The following RFX3 variants were observed in gnomAD, a reference collection of about 807,000 sequenced individuals.
RFX3 encodes the protein transcription factor RFX3.
RFX3 carries 14 observed loss-of-function variants against 98.6 expected under a neutral mutation model. That is an observed-to-expected ratio of 0.14 (90% confidence interval 0.09 to 0.22). The LOEUF is 0.22. Ranked by LOEUF, RFX3 falls within the 10% of genes least tolerant of loss-of-function variation. The probability of loss-of-function intolerance (pLI) is 1.00; values close to 1 mark genes in which losing one functional copy is unlikely to be tolerated. For synonymous variants in RFX3, 383 were observed against 328.4 expected, an observed-to-expected ratio of 1.17 and a Z score of -1.80; for missense variants, 639 against 926.9, an observed-to-expected ratio of 0.69 and a Z score of 4.03.
At chr9:3,492,142 A>G (rs1038989558) in intron 1 of RFX3, among the ~76,000 whole-genome samples, 9 of 152,246 alleles carry the variant, frequency 5.9e-5, no homozygotes, top group African/African-American at 1.7e-4. Flanking sequence ...GCTGGAGGAT[A>G]TAACGGTGAG....
intron 15 of RFX3, among the ~76,000 whole-genome samples, chr9:3,239,666 A>G (rs1020600802): frequency 3.9e-5 from 6 of 152,242 alleles, no homozygotes; most frequent in Admixed American, 3.3e-4. Context: ...AAGTAGCCTC[A>G]AAAACAGGAG....
chr9:3,373,963 A>G (rs1838150000), intron 2 of RFX3, among the ~76,000 whole-genome samples: 1 of 152,084 alleles, frequency 6.6e-6, no homozygotes, highest in East Asian at 1.9e-4. Context: ...CTGTAGTCCC[A>G]GCTACTCGGG....
chr9:3,424,808 A>G (rs551237411), intron 1 of RFX3, among the ~76,000 whole-genome samples: 1 of 152,348 alleles, frequency 6.6e-6, no homozygotes, highest in African/African-American at 2.4e-5. Flanking sequence ...CATATATAAT[A>G]CATATAGATC....
chr9:3,372,060 C>G (rs574670483), intron 2 of RFX3, among the ~76,000 whole-genome samples: 11 of 152,266 alleles, frequency 7.2e-5, no homozygotes, highest in Non-Finnish European at 1.6e-4. Flanking sequence ...TACATTCACC[C>G]TTACCTCTTC....
chr9:3,471,070 A>G (rs1848733266), intron 1 of RFX3, among the ~76,000 whole-genome samples: 1 of 152,230 alleles, frequency 6.6e-6, no homozygotes, highest in Non-Finnish European at 1.5e-5. Flanking sequence ...TATTTTATAC[A>G]GATGAGAGTA....
intron 1 of RFX3, among the ~76,000 whole-genome samples, chr9:3,463,800 A>G (rs375175349): frequency 3.0e-4 from 45 of 152,074 alleles, no homozygotes; most frequent in African/African-American, 9.9e-4. Flanking sequence ...GGGAGACCCC[A>G]GTATCTACAA....
At chr9:3,408,278 T>G (rs1209281243) in intron 1 of RFX3, among the ~76,000 whole-genome samples, 1 of 152,152 alleles carries the variant, frequency 6.6e-6, no homozygotes, top group Admixed American at 6.5e-5. Flanking sequence ...AGGAAGGCTG[T>G]ATAGGCCAAA....
chr9:3,505,271 TATGA>T (rs1261506489), intron 1 of RFX3, among the ~76,000 whole-genome samples: 1 of 75,274 alleles, frequency 1.3e-5, no homozygotes, highest in African/African-American at 8.6e-5. Context: ...TTTATATATA[TATGA>T]ATATATACAT....
chr9:3,313,487 G>A (rs779993011), intron 4 of RFX3, among the ~76,000 whole-genome samples: 7 of 152,312 alleles, frequency 4.6e-5, no homozygotes, highest in East Asian at 1.9e-4. Flanking sequence ...GCAGCTCCCC[G>A]CCAGCAACGG....
intron 1 of RFX3, among the ~76,000 whole-genome samples, chr9:3,436,355 T>C (rs921055470): frequency 1.3e-5 from 2 of 152,036 alleles, no homozygotes; most frequent in African/African-American, 2.4e-5. Context: ...AGCAAGAATA[T>C]AGCCCAGAAA....
At chr9:3,248,872 G>A (rs1047612560) in intron 14 of RFX3, among the ~76,000 whole-genome samples, 6 of 151,928 alleles carry the variant, frequency 3.9e-5, no homozygotes, top group Non-Finnish European at 8.8e-5. Context: ...TATATAATAC[G>A]AAAATATAAG....
chr9:3,316,336 T>C (rs968898065), intron 4 of RFX3, among the ~76,000 whole-genome samples: 1 of 152,110 alleles, frequency 6.6e-6, no homozygotes, highest in Non-Finnish European at 1.5e-5. Flanking sequence ...CCCTTCATGC[T>C]AAAAAATCTC....
intron 15 of RFX3, among the ~76,000 whole-genome samples, chr9:3,230,593 T>C (rs1218403704): frequency 6.6e-6 from 1 of 152,214 alleles, no homozygotes; most frequent in Admixed American, 6.5e-5. Context: ...TCATCAATTT[T>C]TGGTATTATT....
At chr9:3,317,350 C>A (rs1452688933) in intron 4 of RFX3, among the ~76,000 whole-genome samples, 1 of 152,162 alleles carries the variant, frequency 6.6e-6, no homozygotes. Context: ...CTTCCTTACA[C>A]CTTATGCAAA....
rs118071465 is a variant in RFX3, at chr9:3,423,538, T to C, written c.-8-27942A>G. On this transcript the variant is annotated intron_variant, in intron 1 of 16. Transcript: ENST00000617270. Reference sequence around the variant, plus strand: ...AAAAGAAACCAGACACAAGAGTACATAATGCTTTATTAATCCATTTATGTG... The same window carrying C: ...AAAAGAAACCAGACACAAGAGTACACAATGCTTTATTAATCCATTTATGTG... Among the ~76,000 whole-genome samples, 637 of 152,072 alleles carry C rather than the reference T, an allele frequency of 4.2e-3. 2 individuals are homozygous for C. Among genetic ancestry groups the C allele is most frequent in the Middle Eastern group, 6.8e-3 (2 of 294 alleles).
intron 1 of RFX3, among the ~76,000 whole-genome samples, chr9:3,400,721 T>C (rs1841396658): frequency 6.6e-6 from 1 of 152,208 alleles, no homozygotes; most frequent in African/African-American, 2.4e-5. Flanking sequence ...AGTTCATAAT[T>C]TGGCCTCTCA....
chr9:3,329,170 G>A (rs1832281395), intron 4 of RFX3, among the ~76,000 whole-genome samples: 1 of 152,032 alleles, frequency 6.6e-6, no homozygotes. Flanking sequence ...ACTTTGGGAG[G>A]CTGAGGAGGG....
chr9:3,364,947 G>A (rs994776581), intron 2 of RFX3, among the ~76,000 whole-genome samples: 1 of 151,960 alleles, frequency 6.6e-6, no homozygotes, highest in South Asian at 2.1e-4. Flanking sequence ...TTTCATTTTA[G>A]GTCCAAAGTT....
chr9:3,448,613 G>C (rs2132816604), intron 1 of RFX3, among the ~76,000 whole-genome samples: 1 of 152,214 alleles, frequency 6.6e-6, no homozygotes, highest in East Asian at 1.9e-4. Flanking sequence ...CTCCTTCCTA[G>C]TCTCAAGTAA....
Sources: gnomAD v4.1 joint callset for allele counts (sites outside exome capture counted in the v4.1 genomes callset) on GRCh38, gnomAD v4.1.1 for gene constraint, MANE v1.5 for transcripts, NCBI Gene and HGNC (gene_info 2026-07-23, HGNC 2026-07-21) for gene names.